PHF21B: variants seen among roughly 807,000 people sequenced by gnomAD.
PHF21B encodes the protein PHD finger protein 21B.
In PHF21B, 22 loss-of-function variants were observed where a neutral mutation model predicts 62.2. That is an observed-to-expected ratio of 0.35 (90% CI 0.25 to 0.51). The LOEUF (loss-of-function observed/expected upper bound fraction) is 0.51, where lower values mean the gene tolerates loss of function less well. Among genes scored for constraint, PHF21B ranks in the 20% least tolerant of loss-of-function variants. The pLI is 0.97. For synonymous variants in PHF21B, 341 were observed against 314.7 expected (o/e 1.08, Z -0.88); for missense variants, 701 against 707.9 (o/e 0.99, Z 0.11).
intron 7 of PHF21B, among the ~76,000 whole-genome samples, chr22:44,892,560 A>G (rs959074871): frequency 6.6e-6 from 1 of 152,232 alleles, no homozygotes; most frequent in Non-Finnish European, 1.5e-5. Flanking sequence ...CAGATCTCAC[A>G]GAGCTGGCAT....
At chr22:44,939,228 A>G (rs530889689) in intron 2 of PHF21B, among the ~76,000 whole-genome samples, 20 of 152,332 alleles carry the variant, frequency 1.3e-4, no homozygotes, top group African/African-American at 4.3e-4. Context: ...GGGAAGCTGC[A>G]CGACCCATAG....
At chr22:44,910,848 A>G (rs1233430531) in intron 5 of PHF21B, among the ~76,000 whole-genome samples, 3 of 152,262 alleles carry the variant, frequency 2.0e-5, no homozygotes, top group Admixed American at 2.0e-4. Flanking sequence ...ACTGGGTAAT[A>G]GGCAGAGGTT....
At chr22:44,944,764 T>C (rs567053448) in intron 2 of PHF21B, among the ~76,000 whole-genome samples, 7 of 152,016 alleles carry the variant, frequency 4.6e-5, no homozygotes, top group African/African-American at 1.7e-4. Flanking sequence ...TCCTGATGAG[T>C]GAGTGAATGG....
chr22:44,965,982 G>T (rs947728296), intron 2 of PHF21B, among the ~76,000 whole-genome samples: 1 of 152,158 alleles, frequency 6.6e-6, no homozygotes, highest in African/African-American at 2.4e-5. Flanking sequence ...CGGCTCCCAC[G>T]GGCCTGCTCA....
intron 2 of PHF21B, chr22:45,000,616 T>C (rs1247733291): frequency 6.6e-6 from 1 of 152,200 alleles, no homozygotes; most frequent in Non-Finnish European, 1.5e-5. Context: ...AAATCAATTG[T>C]ACGGTTCCGA....
At chr22:44,931,322 G>A (rs924560932) in intron 2 of PHF21B, among the ~76,000 whole-genome samples, 2 of 152,082 alleles carry the variant, frequency 1.3e-5, no homozygotes, top group Admixed American at 6.6e-5. Flanking sequence ...ATATGCGGCC[G>A]CTGTGGCCCG....
intron 2 of PHF21B, among the ~76,000 whole-genome samples, chr22:44,926,201 A>T (rs912228916): frequency 6.8e-6 from 1 of 146,818 alleles, no homozygotes; most frequent in African/African-American, 2.5e-5. Flanking sequence ...AAGCACATTC[A>T]GTGGCATGAA....
rs1223521934 is a variant in PHF21B, at chr22:44,884,429, CATT to C, written c.1377+994_1377+996del. Among the ~76,000 whole-genome samples the C allele has an allele frequency of 9.2e-4, 62 of 67,300 alleles. 2 individuals carry two copies. The highest frequency in any genetic ancestry group is 2.1e-3 in the African/African-American group (53 of 25,188). The allele number at this position is 67,300 out of a possible 152,430, so 44.2% of individuals were successfully genotyped here. ...CCACCATCACCACCACCATGATCACCATTATCACCACCACCACCATCACGGTGA... is the reference window on the plus strand; with the variant it reads ...CCACCATCACCACCACCATGATCACCATCACCACCACCACCATCACGGTGA... On this transcript the variant is annotated intron_variant, in intron 12 of 12. Coordinates refer to ENST00000313237, the MANE Select transcript of PHF21B (RefSeq NM_138415.5).
chr22:44,933,564 A>G (rs974543300), intron 2 of PHF21B: 3 of 983,844 alleles, frequency 3.0e-6, no homozygotes, highest in African/African-American at 1.8e-5. Context: ...GCTGCCCGCA[A>G]CTCAACGGAA....
chr22:44,973,725 C>A (rs1363928566), intron 2 of PHF21B, among the ~76,000 whole-genome samples: 2 of 151,820 alleles, frequency 1.3e-5, no homozygotes, highest in East Asian at 3.8e-4. Context: ...TACAGAGTAC[C>A]CACTGTATTC....
chr22:44,899,417 A>G (rs1300815760), intron 5 of PHF21B, among the ~76,000 whole-genome samples: 7 of 151,342 alleles, frequency 4.6e-5, no homozygotes, highest in Admixed American at 1.3e-4. Context: ...CAGCCTCCCA[A>G]GTAGCTGGGA....
intron 2 of PHF21B, among the ~76,000 whole-genome samples, chr22:44,944,890 G>GCCTTCGTTTCC (rs2072033351): frequency 8.8e-6 from 1 of 113,370 alleles, no homozygotes; most frequent in Non-Finnish European, 1.8e-5. Context: ...TGCACAGTCA[G>GCCTTCGTTTCC]GCAAGAGCTG....
rs56938050 is a variant in PHF21B, at chr22:44,895,051, T to C, written c.883+981A>G. Among the ~76,000 whole-genome samples, 703 of 152,364 alleles carry C rather than the reference T, an allele frequency of 4.6e-3. 4 individuals carry two copies. Among genetic ancestry groups the C allele is most frequent in the African/African-American group, 0.016 (686 of 41,588 alleles). On this transcript the variant is annotated intron_variant, in intron 6 of 12. Transcript: ENST00000313237. Reference sequence around the variant, plus strand: ...CTCTTGCTTTGAAGAAGAGGAACGCTAGGCGAACCTTCCCGCATCCAGGTT... The same window carrying C: ...CTCTTGCTTTGAAGAAGAGGAACGCCAGGCGAACCTTCCCGCATCCAGGTT...
At chr22:44,995,378 T>TC (rs2073103193) in intron 2 of PHF21B, among the ~76,000 whole-genome samples, 1 of 152,016 alleles carries the variant, frequency 6.6e-6, no homozygotes, top group Non-Finnish European at 1.5e-5. Flanking sequence ...ATAAAATAAC[T>TC]CCAACGAGGC....
At chr22:44,994,413 CA>C (rs2073087839) in intron 2 of PHF21B, among the ~76,000 whole-genome samples, 1 of 152,222 alleles carries the variant, frequency 6.6e-6, no homozygotes, top group Non-Finnish European at 1.5e-5. Flanking sequence ...GTCTTCAAGC[CA>C]AGGACTTCCA....
rs769789136 is a variant in PHF21B, at chr22:44,885,953, G to T, written c.1198-15C>A. 1.9e-6 allele frequency: 3 copies of T among 1,613,206 alleles called. 1 individual carries two copies. In the South Asian group the frequency reaches 3.3e-5, roughly 18 times the overall value. On this transcript the variant is annotated splice_polypyrimidine_tract_variant and intron_variant, in intron 10 of 12. Transcript: ENST00000313237. ...TTCTTTAAGGCCTGGGGAGCAGACG[G>T]GGAGATGAAAAAGTGGACAGGCCCT...
chr22:44,938,230 A>C (rs1205705604), intron 2 of PHF21B, among the ~76,000 whole-genome samples: 1 of 152,050 alleles, frequency 6.6e-6, no homozygotes, highest in Non-Finnish European at 1.5e-5. Context: ...GCCTGCCACC[A>C]TGCCTGGTTT....
intron 2 of PHF21B, among the ~76,000 whole-genome samples, chr22:44,996,498 G>A (rs566358363): frequency 4.0e-5 from 6 of 151,840 alleles, no homozygotes; most frequent in African/African-American, 1.5e-4. Context: ...TTCAATCTGT[G>A]GTCAACATTC....
At chr22:44,942,237 C>T (rs2071972458) in intron 2 of PHF21B, among the ~76,000 whole-genome samples, 1 of 152,176 alleles carries the variant, frequency 6.6e-6, no homozygotes, top group African/African-American at 2.4e-5. Context: ...GGTGTGGGGG[C>T]CTGGGACACA....
Sources: gnomAD v4.1 joint callset for allele counts (sites outside exome capture counted in the v4.1 genomes callset) on GRCh38, gnomAD v4.1.1 for gene constraint, MANE v1.5 for transcripts, NCBI Gene and HGNC (gene_info 2026-07-23, HGNC 2026-07-21) for gene names.